The following TAFA2 variants were observed in gnomAD, a reference collection of about 807,000 sequenced individuals.
TAFA2 encodes the protein chemokine-like protein TAFA-2.
Under a neutral mutation model 18.8 loss-of-function variants are expected in TAFA2, and 7 were observed. The observed-to-expected ratio is 0.37, with a 90% CI of 0.21 to 0.70. The LOEUF is 0.70. Ranked by LOEUF, TAFA2 falls within the 30% of genes least tolerant of loss-of-function variation. The probability of loss-of-function intolerance (pLI) is 0.53; values close to 1 mark genes in which losing one functional copy is unlikely to be tolerated. For missense variants in TAFA2, 122 were observed against 158.1 expected (o/e 0.77, Z 1.23); for synonymous variants, 60 against 54.2 (o/e 1.11, Z -0.47).
intron 1 of TAFA2, among the ~76,000 whole-genome samples, chr12:62,211,892 T>C (rs2062715818): frequency 6.6e-6 from 1 of 152,196 alleles, no homozygotes; most frequent in Non-Finnish European, 1.5e-5. Flanking sequence ...TGAAAGTTCT[T>C]TCTCTTCCAC....
chr12:61,834,001 C>G (rs1407364416), intron 2 of TAFA2, among the ~76,000 whole-genome samples: 1 of 152,004 alleles, frequency 6.6e-6, no homozygotes, highest in Non-Finnish European at 1.5e-5. Flanking sequence ...GGTCTCTAAA[C>G]AAAGGATAGA....
intron 1 of TAFA2, among the ~76,000 whole-genome samples, chr12:61,951,838 TA>T (rs1440074457): frequency 6.6e-6 from 1 of 151,970 alleles, no homozygotes; most frequent in African/African-American, 2.4e-5. Flanking sequence ...TGATTGATCT[TA>T]ATGTTTATGG....
At chr12:62,200,490 G>A (rs1378234707) in intron 1 of TAFA2, among the ~76,000 whole-genome samples, 3 of 152,144 alleles carry the variant, frequency 2.0e-5, no homozygotes, top group African/African-American at 7.2e-5. Context: ...AGTTATCCCA[G>A]CACAGTTTAT....
chr12:61,842,795 T>A (rs1383531148), intron 2 of TAFA2, among the ~76,000 whole-genome samples: 1 of 152,126 alleles, frequency 6.6e-6, no homozygotes, highest in Non-Finnish European at 1.5e-5. Flanking sequence ...GAAGTAGACA[T>A]CTTTCTCTTT....
At chr12:62,092,874 G>A (rs1389767885) in intron 1 of TAFA2, among the ~76,000 whole-genome samples, 2 of 151,912 alleles carry the variant, frequency 1.3e-5, no homozygotes, top group African/African-American at 2.4e-5. Flanking sequence ...TATGGGCCCT[G>A]CAAATTATCT....
At position 61,740,889 on chromosome 12, in the gene TAFA2, G is replaced by T. The variant is rs149677572; in HGVS notation, c.384+12733C>A. ...AAAATGCCATAATACTGAACCATGA[G>T]AGCAAAGCATATATTTAACAGCTAA... On this transcript the variant is annotated intron_variant, in intron 4 of 4. Coordinates refer to ENST00000416284, the MANE Select transcript of TAFA2 (RefSeq NM_178539.5). Among the ~76,000 whole-genome samples the T allele has an allele frequency of 8.2e-3, 1,234 of 151,032 alleles. 10 individuals are homozygous for T. The highest frequency in any genetic ancestry group is 0.026 in the African/African-American group (1,078 of 41,186).
intron 1 of TAFA2, among the ~76,000 whole-genome samples, chr12:61,871,278 A>G (rs1220538874): frequency 1.3e-5 from 2 of 152,172 alleles, no homozygotes; most frequent in Non-Finnish European, 2.9e-5. Context: ...CCAGAGAAAA[A>G]CACCTAAAGG....
At chr12:61,719,602 G>A (rs1869807604) in intron 4 of TAFA2, among the ~76,000 whole-genome samples, 1 of 152,128 alleles carries the variant, frequency 6.6e-6, no homozygotes, top group African/African-American at 2.4e-5. Flanking sequence ...CAGATTATCA[G>A]AGAGCTTGAT....
intron 1 of TAFA2, among the ~76,000 whole-genome samples, chr12:62,105,456 G>C (rs1157649894): frequency 2.0e-5 from 3 of 152,130 alleles, no homozygotes; most frequent in African/African-American, 7.2e-5. Context: ...TTGCTCCCCT[G>C]TATGAGATTA....
At chr12:61,940,307 C>G (rs851910) in intron 1 of TAFA2, among the ~76,000 whole-genome samples, 6,150 of 152,216 alleles carry the variant, frequency 0.04, 219 homozygotes, top group African/African-American at 0.1. Flanking sequence ...AACAAGGGGA[C>G]CCACATTTTC....
chr12:62,097,652 A>C (rs1383990563), intron 1 of TAFA2, among the ~76,000 whole-genome samples: 1 of 152,176 alleles, frequency 6.6e-6, no homozygotes, highest in Non-Finnish European at 1.5e-5. Flanking sequence ...AGAAGGCAAG[A>C]GTGGAAGTTA....
chr12:61,897,324 T>G (rs1875890644), intron 1 of TAFA2, among the ~76,000 whole-genome samples: 1 of 152,200 alleles, frequency 6.6e-6, no homozygotes, highest in South Asian at 2.1e-4. Context: ...GAAACTTGCT[T>G]TTTTCACTCA....
At chr12:61,846,228 C>T (rs964257309) in intron 2 of TAFA2, among the ~76,000 whole-genome samples, 18 of 152,010 alleles carry the variant, frequency 1.2e-4, no homozygotes, top group South Asian at 2.1e-4. Context: ...GTATACCAGA[C>T]GGATAGACTT....
intron 1 of TAFA2, among the ~76,000 whole-genome samples, chr12:61,961,081 G>C (rs1196325754): frequency 6.6e-6 from 1 of 151,800 alleles, no homozygotes; most frequent in Non-Finnish European, 1.5e-5. Flanking sequence ...CTCAGGAAAT[G>C]TACAATCATG....
intron 1 of TAFA2, among the ~76,000 whole-genome samples, chr12:62,010,154 T>TCCCCCA (rs1222393780): frequency 7.8e-6 from 1 of 128,654 alleles, no homozygotes; most frequent in Non-Finnish European, 1.6e-5. Flanking sequence ...CCTCTCCCTC[T>TCCCCCA]CCCCCTCCCC....
chr12:62,140,432 TGAG>T (rs1004881436), intron 1 of TAFA2: 3 of 152,184 alleles, frequency 2.0e-5, no homozygotes, highest in African/African-American at 7.2e-5. Flanking sequence ...AAGCAAGACA[TGAG>T]GAGTAGAAAG....
intron 1 of TAFA2, among the ~76,000 whole-genome samples, chr12:62,155,829 A>G (rs1016423075): frequency 6.6e-6 from 1 of 152,238 alleles, no homozygotes; most frequent in African/African-American, 2.4e-5. Flanking sequence ...AAGACCTGAA[A>G]CTATGAAAAT....
intron 1 of TAFA2, among the ~76,000 whole-genome samples, chr12:61,982,295 G>C (rs1879661538): frequency 6.6e-6 from 1 of 152,068 alleles, no homozygotes; most frequent in Non-Finnish European, 1.5e-5. Flanking sequence ...GTCGTGGGGT[G>C]GGGGTCTGGG....
intron 1 of TAFA2, among the ~76,000 whole-genome samples, chr12:61,944,208 G>C (rs1445225305): frequency 6.8e-6 from 1 of 147,416 alleles, no homozygotes; most frequent in Non-Finnish European, 1.5e-5. Flanking sequence ...ATGACTACTG[G>C]GTACATAACG....
Sources: gnomAD v4.1 joint callset for allele counts (sites outside exome capture counted in the v4.1 genomes callset) on GRCh38, gnomAD v4.1.1 for gene constraint, MANE v1.5 for transcripts, NCBI Gene and HGNC (gene_info 2026-07-23, HGNC 2026-07-21) for gene names.